The following TMEM132D variants were observed in gnomAD, a reference collection of about 807,000 sequenced individuals.
TMEM132D encodes the protein mature OL transmembrane protein.
In TMEM132D, 21 loss-of-function variants were observed where a neutral mutation model predicts 62.3. The observed-to-expected ratio is 0.34, with a 90% CI of 0.24 to 0.49. The LOEUF (loss-of-function observed/expected upper bound fraction) is 0.49, where lower values mean the gene tolerates loss of function less well. Ranked by LOEUF, TMEM132D falls within the 20% of genes least tolerant of loss-of-function variation. The pLI is 0.99. For synonymous variants in TMEM132D, 621 were observed against 575.6 expected, an observed-to-expected ratio of 1.08 and a Z score of -1.13; for missense variants, 1,346 against 1,402.8, an observed-to-expected ratio of 0.96 and a Z score of 0.65.
intron 2 of TMEM132D, among the ~76,000 whole-genome samples, chr12:129,583,729 G>A (rs1292987093): frequency 6.6e-6 from 1 of 152,172 alleles, no homozygotes; most frequent in Non-Finnish European, 1.5e-5. Context: ...GGGTCTGTCT[G>A]AGCAAAGAAT....
intron 4 of TMEM132D, among the ~76,000 whole-genome samples, chr12:129,291,251 A>T (rs992965508): frequency 3.9e-5 from 6 of 152,214 alleles, no homozygotes; most frequent in African/African-American, 1.4e-4. Context: ...AGATGTGTTC[A>T]TTATTGAGGA....
intron 1 of TMEM132D, among the ~76,000 whole-genome samples, chr12:129,801,469 C>T (rs7953576): frequency 0.069 from 10,454 of 151,864 alleles, 862 homozygotes; most frequent in African/African-American, 0.19. Flanking sequence ...AGACCTGCAG[C>T]TGAGGGTCCT....
chr12:129,159,374 T>C (rs1269347554), intron 5 of TMEM132D, among the ~76,000 whole-genome samples: 1 of 152,156 alleles, frequency 6.6e-6, no homozygotes, highest in African/African-American at 2.4e-5. Context: ...AGTCAATTCA[T>C]TTTTTCCTTT....
chr12:129,385,263 G>A (rs1226982028), intron 3 of TMEM132D, among the ~76,000 whole-genome samples: 1 of 151,662 alleles, frequency 6.6e-6, no homozygotes, highest in East Asian at 1.9e-4. Flanking sequence ...GTGCCACCAT[G>A]CCCAGCTAAT....
intron 4 of TMEM132D, among the ~76,000 whole-genome samples, chr12:129,255,872 T>A (rs985309334): frequency 2.6e-5 from 4 of 152,202 alleles, no homozygotes; most frequent in Non-Finnish European, 4.4e-5. Context: ...TTGACTATCA[T>A]TGAGGTAAAC....
intron 2 of TMEM132D, among the ~76,000 whole-genome samples, chr12:129,612,338 T>C (rs1450413625): frequency 6.6e-6 from 1 of 152,182 alleles, no homozygotes; most frequent in Admixed American, 6.5e-5. Flanking sequence ...ACAGTGGGTG[T>C]AGAGGAAGAA....
chr12:129,219,099 C>G (rs1052468212), intron 4 of TMEM132D, among the ~76,000 whole-genome samples: 1 of 152,116 alleles, frequency 6.6e-6, no homozygotes, highest in Non-Finnish European at 1.5e-5. Context: ...GGAGGTGGGG[C>G]CAGCTCAGGT....
intron 3 of TMEM132D, among the ~76,000 whole-genome samples, chr12:129,388,666 AC>A (rs1871201659): frequency 7.7e-6 from 1 of 129,506 alleles, no homozygotes; most frequent in East Asian, 2.0e-4. Flanking sequence ...AAACACTAAC[AC>A]CGACACCAAT....
At chr12:129,762,425 G>A (rs7300984) in intron 1 of TMEM132D, among the ~76,000 whole-genome samples, 39,675 of 151,748 alleles carry the variant, frequency 0.26, 5,222 homozygotes, top group South Asian at 0.41. Context: ...CACTATTACC[G>A]CAGCGAGCCC....
chr12:129,173,037 A>C (rs948995163), intron 5 of TMEM132D, among the ~76,000 whole-genome samples: 1 of 152,212 alleles, frequency 6.6e-6, no homozygotes, highest in Non-Finnish European at 1.5e-5. Context: ...AGCAATTATA[A>C]TAGTAACAGC....
At chr12:129,271,773 G>T (rs971272039) in intron 4 of TMEM132D, among the ~76,000 whole-genome samples, 5 of 151,876 alleles carry the variant, frequency 3.3e-5, no homozygotes, top group Non-Finnish European at 7.3e-5. Flanking sequence ...GTATTCCATG[G>T]TATATGTGTG....
chr12:129,825,464 T>C (rs1872639995), intron 1 of TMEM132D, among the ~76,000 whole-genome samples: 1 of 152,220 alleles, frequency 6.6e-6, no homozygotes, highest in African/African-American at 2.4e-5. Flanking sequence ...ATAGGGTTAC[T>C]GGCGAGAGGC....
chr12:129,244,184 G>C (rs1379438300), intron 4 of TMEM132D, among the ~76,000 whole-genome samples: 3 of 151,938 alleles, frequency 2.0e-5, no homozygotes, highest in African/African-American at 7.3e-5. Context: ...AGGAGATCGA[G>C]ACCATCCTGG....
chr12:129,287,950 G>A (rs117930173), intron 4 of TMEM132D, among the ~76,000 whole-genome samples: 36 of 152,278 alleles, frequency 2.4e-4, no homozygotes, highest in Middle Eastern at 3.4e-3. Flanking sequence ...GCACTGTAGC[G>A]TTGTAATATA....
chr12:129,842,243 C>T (rs932897081), intron 1 of TMEM132D, among the ~76,000 whole-genome samples: 2 of 151,840 alleles, frequency 1.3e-5, no homozygotes, highest in Non-Finnish European at 2.9e-5. Context: ...CCACCGCGCC[C>T]GGCCAGCACT....
intron 1 of TMEM132D, among the ~76,000 whole-genome samples, chr12:129,889,277 G>A (rs191015902): frequency 6.6e-6 from 1 of 152,044 alleles, no homozygotes; most frequent in Admixed American, 6.6e-5. Flanking sequence ...GTTCTTCTAC[G>A]TTCCCCAGTC....
chr12:129,083,648 G>A (rs749246707), intron 6 of TMEM132D, among the ~76,000 whole-genome samples: 1 of 152,180 alleles, frequency 6.6e-6, no homozygotes, highest in Non-Finnish European at 1.5e-5. Context: ...GGGAATATAA[G>A]TTCTCCCTCA....
chr12:129,776,685 C>T (rs1199823878), intron 1 of TMEM132D, among the ~76,000 whole-genome samples: 1 of 92,434 alleles, frequency 1.1e-5, no homozygotes, highest in Non-Finnish European at 2.9e-5. Flanking sequence ...CAACGAAAGA[C>T]TGTGTTCCTT....
intron 3 of TMEM132D, among the ~76,000 whole-genome samples, chr12:129,362,084 G>A (rs1283175932): frequency 6.6e-6 from 1 of 152,162 alleles, no homozygotes; most frequent in Non-Finnish European, 1.5e-5. Context: ...ATAAACCCAT[G>A]GTTCTAATTA....
Sources: allele counts gnomAD v4.1 joint callset (sites outside exome capture counted in the v4.1 genomes callset), GRCh38; gene constraint gnomAD v4.1.1; transcripts MANE v1.5; gene names NCBI Gene and HGNC (gene_info 2026-07-23, HGNC 2026-07-21).